The following DOCK2 variants were observed in gnomAD, a reference collection of about 807,000 sequenced individuals.
The protein encoded by DOCK2 is dedicator of cytokinesis protein 2.
In DOCK2, 87 loss-of-function variants were observed where a neutral mutation model predicts 248.9. That is an observed-to-expected ratio of 0.35 (90% CI 0.29 to 0.42). The LOEUF (loss-of-function observed/expected upper bound fraction) is 0.42, where lower values mean the gene tolerates loss of function less well. Ranked by LOEUF, DOCK2 falls within the 10% of genes least tolerant of loss-of-function variation. The pLI, the probability that DOCK2 is intolerant of heterozygous loss-of-function variation, is 1.00. For synonymous variants in DOCK2, 805 were observed against 821.6 expected (o/e 0.98, Z 0.35); for missense variants, 1,747 against 2,300.2 (o/e 0.76, Z 4.92).
chr5:169,933,904 A>G (rs1246684886), intron 27 of DOCK2, among the ~76,000 whole-genome samples: 1 of 152,230 alleles, frequency 6.6e-6, no homozygotes. Context: ...CACTTCCTGA[A>G]CAAACTACTG....
chr5:169,984,266 G>A (rs759042147), intron 28 of DOCK2, among the ~76,000 whole-genome samples: 3 of 152,016 alleles, frequency 2.0e-5, no homozygotes, highest in Non-Finnish European at 1.5e-5. Flanking sequence ...TCCCATCTAT[G>A]AGCCAGGAGC....
intron 27 of DOCK2, among the ~76,000 whole-genome samples, chr5:169,871,699 G>C (rs1026014503): frequency 3.3e-5 from 5 of 152,320 alleles, no homozygotes; most frequent in Admixed American, 6.5e-5. Context: ...AAAATATGTA[G>C]GGTGGTGGGG....
intron 9 of DOCK2, among the ~76,000 whole-genome samples, chr5:169,694,403 AG>A (rs1452888415): frequency 6.6e-6 from 1 of 152,216 alleles, no homozygotes; most frequent in Non-Finnish European, 1.5e-5. Flanking sequence ...GCATGAAGTC[AG>A]GAGTTTCCTC....
chr5:169,998,336 T>G (rs939670955), intron 30 of DOCK2, among the ~76,000 whole-genome samples: 6 of 152,190 alleles, frequency 3.9e-5, no homozygotes, highest in Non-Finnish European at 8.8e-5. Context: ...GCCTGTGAGA[T>G]TCACCCTTCT....
chr5:169,691,642 G>C (rs60056926), intron 9 of DOCK2, among the ~76,000 whole-genome samples: 2 of 152,076 alleles, frequency 1.3e-5, no homozygotes, highest in Admixed American at 1.3e-4. Context: ...TTGAGGTGAC[G>C]TTTAAATTAG....
At chr5:169,945,140 TC>T (rs1302392314) in intron 27 of DOCK2, among the ~76,000 whole-genome samples, 2 of 152,256 alleles carry the variant, frequency 1.3e-5, no homozygotes, top group Non-Finnish European at 2.9e-5. Flanking sequence ...CCCAGAAGAA[TC>T]CTCTGACATG....
intron 29 of DOCK2, among the ~76,000 whole-genome samples, chr5:169,991,086 A>G (rs1052033826): frequency 5.3e-5 from 8 of 152,160 alleles, no homozygotes; most frequent in Non-Finnish European, 1.2e-4. Flanking sequence ...GAGGTCAACC[A>G]CCCAGCCCAC....
intron 6 of DOCK2, among the ~76,000 whole-genome samples, chr5:169,678,230 A>G (rs773683062): frequency 9.2e-5 from 14 of 152,072 alleles, no homozygotes; most frequent in African/African-American, 1.4e-4. Flanking sequence ...AAAGGCTTCT[A>G]TAGTTTTTCT....
At chr5:170,025,277 G>A (rs1371760654) in intron 33 of DOCK2, among the ~76,000 whole-genome samples, 1 of 152,200 alleles carries the variant, frequency 6.6e-6, no homozygotes, top group Non-Finnish European at 1.5e-5. Flanking sequence ...CCTTCCACCT[G>A]CTTTTGTAAA....
At chr5:170,050,702 G>T (rs1010316) in intron 41 of DOCK2, among the ~76,000 whole-genome samples, 12,978 of 152,158 alleles carry the variant, frequency 0.085, 1,402 homozygotes, top group African/African-American at 0.25. Context: ...TTGCTCTGGC[G>T]TGCTCCAACT....
At chr5:169,887,770 T>A (rs1354507559) in intron 27 of DOCK2, among the ~76,000 whole-genome samples, 1 of 152,204 alleles carries the variant, frequency 6.6e-6, no homozygotes, top group Non-Finnish European at 1.5e-5. Context: ...TCAAAGTAGC[T>A]GTGCATTTTA....
chr5:170,077,984 A>C, intron 48 of DOCK2, 147 bp downstream of exon 48: 1 of 691,114 alleles, frequency 1.4e-6, no homozygotes, highest in Non-Finnish European at 2.4e-6. Flanking sequence ...CAGTCTCACA[A>C]CTACCCCAGG....
At chr5:169,700,827 T>G (rs747422560) in intron 13 of DOCK2, among the ~76,000 whole-genome samples, 2 of 151,556 alleles carry the variant, frequency 1.3e-5, no homozygotes, top group Non-Finnish European at 2.9e-5. Context: ...AACTAAACTG[T>G]TATCTGATCT....
At chr5:170,067,904 G>T (rs374814397) in intron 45 of DOCK2, among the ~76,000 whole-genome samples, 1 of 152,132 alleles carries the variant, frequency 6.6e-6, no homozygotes, top group East Asian at 1.9e-4. Context: ...CCTGTGCTGG[G>T]GCAGGGAGGG....
At chr5:169,922,652 T>C (rs1447707640) in intron 27 of DOCK2, among the ~76,000 whole-genome samples, 1 of 152,264 alleles carries the variant, frequency 6.6e-6, no homozygotes, top group Non-Finnish European at 1.5e-5. Context: ...TTTATAGTGC[T>C]CAGAGAGGTT....
chr5:169,768,259 C>T (rs1008155111), intron 25 of DOCK2, among the ~76,000 whole-genome samples: 2 of 152,210 alleles, frequency 1.3e-5, no homozygotes, highest in Admixed American at 6.5e-5. Context: ...GGGATGTAAA[C>T]GAAGCACACG....
intron 27 of DOCK2, among the ~76,000 whole-genome samples, chr5:169,928,197 A>G (rs1302472265): frequency 6.6e-6 from 1 of 152,086 alleles, no homozygotes; most frequent in African/African-American, 2.4e-5. Flanking sequence ...GGCCAAACCA[A>G]TATTGACAGC....
chr5:170,070,222 G>T (rs1757636430), intron 46 of DOCK2, among the ~76,000 whole-genome samples: 1 of 152,284 alleles, frequency 6.6e-6, no homozygotes, highest in Non-Finnish European at 1.5e-5. Context: ...GTAGCAGCTT[G>T]CAGCTGCCTG....
At position 169,730,543 on chromosome 5, in the gene DOCK2, A is replaced by G. The variant is rs187467232; in HGVS notation, c.2267+11752A>G. On this transcript the variant is annotated intron_variant, in intron 22 of 51. Coordinates refer to ENST00000520908, the MANE Select transcript of DOCK2 (RefSeq NM_004946.3). Reference sequence around the variant, plus strand: ...AACGCTTGTATGGCAGGTAGCACGTATAATACTTGGGTGACAAGAAGGGTT... The same window carrying G: ...AACGCTTGTATGGCAGGTAGCACGTGTAATACTTGGGTGACAAGAAGGGTT... Among the ~76,000 whole-genome samples, 305 of 152,354 alleles carry G rather than the reference A, an allele frequency of 2.0e-3. 1 individual carries two copies. The highest frequency in any genetic ancestry group is 6.9e-3 in the African/African-American group (288 of 41,566).
Sources: allele counts gnomAD v4.1 joint callset (sites outside exome capture counted in the v4.1 genomes callset), GRCh38; gene constraint gnomAD v4.1.1; transcripts MANE v1.5; gene names NCBI Gene and HGNC (gene_info 2026-07-23, HGNC 2026-07-21).